The following DYNC2LI1 variants were observed in gnomAD, a reference collection of about 807,000 sequenced individuals.
DYNC2LI1 encodes dynein cytoplasmic 2 light intermediate chain 1, also known as cytoplasmic dynein 2 light intermediate chain 1.
In DYNC2LI1, 45 loss-of-function variants were observed where a neutral mutation model predicts 51.9. The ratio of observed to expected loss-of-function variants is 0.87; its 90% confidence interval spans 0.68 to 1.11. The LOEUF is 1.11. DYNC2LI1 is among the 50% of genes most tolerant of loss of function. DYNC2LI1 has a pLI of 0.00. For synonymous variants in DYNC2LI1, 130 were observed against 137.8 expected (o/e 0.94, Z 0.40); for missense variants, 490 against 417.4 (o/e 1.17, Z -1.51).
the DYNC2LI1 span, chr2:43,824,460 C>G: frequency 2.5e-6 from 4 of 1,611,370 alleles, no homozygotes; most frequent in Non-Finnish European, 1.7e-6. Context: ...AAGATGTCAC[C>G]CATGTGTTTT....
intron 12 of DYNC2LI1, among the ~76,000 whole-genome samples, chr2:43,807,368 C>A (rs948538086): frequency 1.4e-4 from 22 of 152,132 alleles, no homozygotes; most frequent in African/African-American, 5.1e-4. Flanking sequence ...AGTCCTCTAG[C>A]TTTAGAGCAT....
At chr2:43,787,552 TA>T (rs1209744300) in intron 4 of DYNC2LI1, among the ~76,000 whole-genome samples, 1 of 152,240 alleles carries the variant, frequency 6.6e-6, no homozygotes, top group East Asian at 1.9e-4. Context: ...AAAAATCTGC[TA>T]AAATATAGGT....
intron 5 of DYNC2LI1, chr2:43,793,545 A>G (rs557758623): frequency 2.0e-5 from 3 of 152,090 alleles, no homozygotes; most frequent in Non-Finnish European, 2.9e-5. Context: ...TTCATGTGTT[A>G]ATTGGCCATC....
chr2:43,801,500 C>T, intron 9 of DYNC2LI1, 139 bp from the exon 10 acceptor site: 1 of 528,516 alleles, frequency 1.9e-6, no homozygotes. Context: ...AATTGATAGT[C>T]ACTCATTCAT....
chr2:43,809,281 C>T lies in DYNC2LI1; in HGVS notation c.994-424C>T, dbSNP rs79579511. 8.6e-3 allele frequency among the ~76,000 whole-genome samples: 1,306 copies of T among 152,182 alleles called. 24 individuals are homozygous for T. Among genetic ancestry groups the T allele is most frequent in the African/African-American group, 0.03 (1,244 of 41,522 alleles). On this transcript the variant is annotated intron_variant, in intron 12 of 12. Transcript: ENST00000260605. Reference sequence around the variant, plus strand: ...TGCTGGGACTATAGGAATGAGCCACCGCACCCAGCCTGGGTATGTATTTTT... The same window carrying T: ...TGCTGGGACTATAGGAATGAGCCACTGCACCCAGCCTGGGTATGTATTTTT...
chr2:43,826,501 G>T, the DYNC2LI1 span: 3 of 1,614,202 alleles, frequency 1.9e-6, no homozygotes, highest in Admixed American at 1.7e-5. Context: ...CCTGTGGTTG[G>T]CTCATCAAAC....
chr2:43,791,636 A>G (rs953551172), intron 5 of DYNC2LI1, among the ~76,000 whole-genome samples: 2 of 152,206 alleles, frequency 1.3e-5, no homozygotes, highest in Admixed American at 1.3e-4. Flanking sequence ...TTCATTCACC[A>G]TGTCAAAAAC....
At chr2:43,796,819 G>A in intron 8 of DYNC2LI1, 24 bp downstream of exon 8, 2 of 1,592,880 alleles carry the variant, frequency 1.3e-6, no homozygotes, top group Non-Finnish European at 1.7e-6. Flanking sequence ...TTGTCCTTTG[G>A]GCTTGAATGG....
intron 10 of DYNC2LI1, among the ~76,000 whole-genome samples, chr2:43,803,537 CA>C (rs773288002): frequency 4.6e-5 from 7 of 152,070 alleles, no homozygotes; most frequent in Non-Finnish European, 7.4e-5. Flanking sequence ...ATGGGGAGAC[CA>C]GGGGAGGGGT....
At position 43,804,643 on chromosome 2, in the gene DYNC2LI1, A is replaced by G; in HGVS notation, c.804A>G (p.Gly268=). 1 of 1,590,586 alleles carries G rather than the reference A, an allele frequency of 6.3e-7. No individual in the cohort carries two copies. Among genetic ancestry groups the G allele is most frequent in the South Asian group, 1.2e-5 (1 of 86,480 alleles). Residue 268 remains glycine (G), a splice_region_variant and synonymous_variant, in exon 11 of 13, where the codon GGA becomes GGG. Coordinates refer to ENST00000260605, the MANE Select transcript of DYNC2LI1 (RefSeq NM_016008.4). ...TTGTGGTAAAACTTGCTATTTTAGG[A>G]TCTCCTCCTGTTCCTGAAAATGACA... is the stretch of plus-strand genomic sequence containing the variant. The part of the protein sequence containing the change: ...TAGLDSFGQI[G]SPPVPENDIG...
At chr2:43,778,721 T>TA (rs1443093226) in intron 2 of DYNC2LI1, among the ~76,000 whole-genome samples, 3 of 152,202 alleles carry the variant, frequency 2.0e-5, no homozygotes, top group African/African-American at 4.8e-5. Flanking sequence ...AAAATACCCC[T>TA]ACCAGTATCC....
chr2:43,813,318 G>A (rs761337468), downstream of DYNC2LI1: 21 of 1,589,170 alleles, frequency 1.3e-5, no homozygotes, highest in Non-Finnish European at 1.7e-5. Context: ...GCCTGTCAAG[G>A]AAAAGATTGA....
chr2:43,828,291 T>G, the DYNC2LI1 span: 1 of 866,058 alleles, frequency 1.2e-6, no homozygotes, highest in South Asian at 1.5e-5. Flanking sequence ...CCAATTCGGC[T>G]TAAATCGTAA....
At chr2:43,821,331 C>G in the DYNC2LI1 span, among the ~76,000 whole-genome samples, 1 of 152,296 alleles carries the variant, frequency 6.6e-6, no homozygotes, top group African/African-American at 2.4e-5. Context: ...GCTCTTTAAC[C>G]TTCTTGATGA....
the DYNC2LI1 span, among the ~76,000 whole-genome samples, chr2:43,816,482 C>T: frequency 5.5e-3 from 832 of 152,268 alleles, 9 homozygotes; most frequent in African/African-American, 0.019. Context: ...GGAGAAGCAG[C>T]GGGAGGAACC....
At position 43,785,113 on chromosome 2, in the gene DYNC2LI1, C is replaced by T. The variant is rs1250902306; in HGVS notation, c.161+1559C>T. Among the ~76,000 whole-genome samples the T allele has an allele frequency of 2.6e-5, 4 of 152,020 alleles. No homozygotes were observed. In the East Asian group the frequency reaches 7.8e-4, roughly 30 times the overall value. ...AGGAGTTCAAGACCAGCTTGGCCAA[C>T]ATAGTGAGAACTCGTCTGTACCAAA... On this transcript the variant is annotated intron_variant, in intron 3 of 12. Transcript: ENST00000260605.
intron 8 of DYNC2LI1, among the ~76,000 whole-genome samples, chr2:43,797,809 T>C (rs1215658241): frequency 6.6e-6 from 1 of 151,974 alleles, no homozygotes; most frequent in Non-Finnish European, 1.5e-5. Context: ...TGAGCCACCA[T>C]GCCTGGCCAA....
At chr2:43,817,798 T>C in the DYNC2LI1 span, among the ~76,000 whole-genome samples, 1 of 151,692 alleles carries the variant, frequency 6.6e-6, no homozygotes, top group Admixed American at 6.6e-5. Flanking sequence ...TAATCCCAGC[T>C]ACTCGGGAGG....
At chr2:43,794,253 C>G (rs1673926317) in intron 5 of DYNC2LI1, 1 of 502,314 alleles carries the variant, frequency 2.0e-6, no homozygotes, top group Non-Finnish European at 3.5e-6. Context: ...ACTATTGTAA[C>G]ACTTAAATAT....
Sources: allele counts gnomAD v4.1 joint callset (sites outside exome capture counted in the v4.1 genomes callset), GRCh38; gene constraint gnomAD v4.1.1; transcripts MANE v1.5; gene names NCBI Gene and HGNC (gene_info 2026-07-23, HGNC 2026-07-21).